PDE4DIP: variants seen among roughly 807,000 people sequenced by gnomAD.
PDE4DIP encodes phosphodiesterase 4D interacting protein, also known as myomegalin.
A neutral mutation model predicts 221.4 loss-of-function variants in PDE4DIP; 59 were observed. The observed-to-expected ratio is 0.27, with a 90% confidence interval of 0.22 to 0.33. PDE4DIP has a LOEUF of 0.33. Among genes scored for constraint, PDE4DIP ranks in the 10% least tolerant of loss-of-function variants. PDE4DIP has a pLI of 1.00. For synonymous variants in PDE4DIP, 404 were observed against 815.9 expected (o/e 0.50, Z 8.60); for missense variants, 1,036 against 2,154.2 (o/e 0.48, Z 10.28).
rs782735376 is a variant in PDE4DIP at position 148,978,065 on chromosome 1, C to T, written c.2436+12C>T. Reference sequence around the variant, plus strand: ...AAGATCTCATAAAGGTCTTTCAAAACTTTTTAAAGACCACTGGAAATGTTC... The same window carrying T: ...AAGATCTCATAAAGGTCTTTCAAAATTTTTTAAAGACCACTGGAAATGTTC... On this transcript the variant is annotated intron_variant, in intron 18 of 43. Coordinates refer to ENST00000369354, the Ensembl canonical transcript of PDE4DIP. 21 of 1,606,662 alleles carry T rather than the reference C, an allele frequency of 1.3e-5. No individual in the cohort carries two copies. The highest frequency in any genetic ancestry group is 1.7e-5 in the Non-Finnish European group (20 of 1,174,422).
chr1:148,953,416 G>T (rs146246632), intron 5 of PDE4DIP: 28 of 1,614,130 alleles, frequency 1.7e-5, no homozygotes, highest in Non-Finnish European at 2.1e-5. Flanking sequence ...AAGAACCAGC[G>T]TTGTCTGAGG....
intron 5 of PDE4DIP, among the ~76,000 whole-genome samples, chr1:148,950,508 G>A (rs1355332693): frequency 2.0e-5 from 3 of 152,214 alleles, no homozygotes; most frequent in Admixed American, 6.5e-5. Context: ...ACCAGGTAAT[G>A]TATAAAGAAA....
At chr1:149,012,767 T>C (rs2068973189) in exon 32 of PDE4DIP, 2 of 1,604,838 alleles carry the variant, frequency 1.2e-6, no homozygotes, top group Non-Finnish European at 1.7e-6. Flanking sequence ...GCAGAAGCAG[T>C]TGGGAGAAAG....
At chr1:148,927,169 G>A (rs2046901514) in intron 1 of PDE4DIP, among the ~76,000 whole-genome samples, 1 of 151,552 alleles carries the variant, frequency 6.6e-6, no homozygotes, top group African/African-American at 2.4e-5. Flanking sequence ...ATCTGGTAAT[G>A]CTATTTAGTG....
intron 1 of PDE4DIP, among the ~76,000 whole-genome samples, chr1:148,901,668 C>G: frequency 7.9e-6 from 1 of 127,226 alleles, no homozygotes; most frequent in Non-Finnish European, 1.7e-5. Flanking sequence ...TTTAAGGTGC[C>G]TGGATGAGCG....
chr1:148,953,659 C>G (rs140994384), intron 5 of PDE4DIP: 1 of 1,442,730 alleles, frequency 6.9e-7, no homozygotes, highest in East Asian at 2.3e-5. Context: ...TAGCTCTTAG[C>G]ATGATTAAAG....
exon 2 of PDE4DIP, chr1:148,863,298 C>T (rs1553403293): frequency 2.2e-6 from 1 of 456,016 alleles, no homozygotes; most frequent in Non-Finnish European, 3.5e-6. Flanking sequence ...GAACGAGTCA[C>T]ACAGCAGGTA....
At position 148,976,881 on chromosome 1, in the gene PDE4DIP, C is replaced by T. The variant is rs373333855; in HGVS notation, c.2320-1056C>T. Among the ~76,000 whole-genome samples the T allele has an allele frequency of 2.3e-4, 35 of 151,752 alleles. 1 individual carries two copies. The highest frequency in any genetic ancestry group is 6.8e-3 in the Middle Eastern group (2 of 294). ...AAGAGAAAGTCTGGTGTTCCTGGAA[C>T]AGAAAAAGTCTAATGTGCCTACAGA... On this transcript the variant is annotated intron_variant, in intron 17 of 43. Coordinates refer to ENST00000369354, the Ensembl canonical transcript of PDE4DIP.
rs371941617 is a variant in PDE4DIP, at chr1:149,028,555, C to T, written c.6670-5C>T. The T allele has an allele frequency of 5.0e-6, 8 of 1,609,788 alleles. No homozygotes were observed. In the African/African-American group the frequency reaches 1.1e-4, roughly 22 times the overall value. Reference sequence around the variant, plus strand: ...CTCCGCTCCTGTGGTGTTACCTTTCCCCAGGTGCTAGGCAGCAAAGGTATT... The same window carrying T: ...CTCCGCTCCTGTGGTGTTACCTTTCTCCAGGTGCTAGGCAGCAAAGGTATT... On this transcript the variant is annotated splice_region_variant and splice_polypyrimidine_tract_variant and intron_variant, in intron 40 of 43. Transcript: ENST00000369354.
chr1:149,010,681 TG>T, intron 31 of PDE4DIP, 86 bp downstream of exon 34: 1 of 1,300,968 alleles, frequency 7.7e-7, no homozygotes, highest in Admixed American at 1.9e-5. Flanking sequence ...AGGTTTGGAC[TG>T]TTAGGGGCCT....
chr1:148,870,839 A>AAAAAT (rs2148704864), intron 3 of PDE4DIP, among the ~76,000 whole-genome samples: 2 of 149,158 alleles, frequency 1.3e-5, no homozygotes, highest in African/African-American at 4.9e-5. Flanking sequence ...GAGAGATAGG[A>AAAAAT]ACACATTCCT....
At chr1:149,025,624 G>A (rs587771191) in intron 38 of PDE4DIP, 20 of 147,112 alleles carry the variant, frequency 1.4e-4, no homozygotes, top group Middle Eastern at 3.4e-3. Context: ...TTGATACACC[G>A]TTTAGTACAC....
At chr1:148,915,313 A>C (rs2043747162) in intron 1 of PDE4DIP, among the ~76,000 whole-genome samples, 1 of 152,272 alleles carries the variant, frequency 6.6e-6, no homozygotes, top group Non-Finnish European at 1.5e-5. Context: ...ACACCTGGCT[A>C]ATTTTTTTGT....
chr1:148,869,818 T>C, intron 3 of PDE4DIP, among the ~76,000 whole-genome samples: 2 of 99,832 alleles, frequency 2.0e-5, no homozygotes, highest in Non-Finnish European at 1.9e-5. Flanking sequence ...AAGAAATAGC[T>C]CTTTGGTGCC....
intron 12 of PDE4DIP, 150 bp from the exon 16 acceptor site, chr1:148,967,576 A>G: frequency 1.7e-6 from 1 of 599,236 alleles, no homozygotes; most frequent in South Asian, 2.4e-5. Flanking sequence ...AAAAAAATAG[A>G]TTAGTATGGC....
At chr1:149,023,751 CACATATATATGTACATGTATATGTGTGT>C (rs879995078) in intron 37 of PDE4DIP, among the ~76,000 whole-genome samples, 1 of 103,298 alleles carries the variant, frequency 9.7e-6, no homozygotes, top group Non-Finnish European at 2.0e-5. Context: ...TATATGTGTG[CACATATATATGTACATGTATATGTGTGT>C]ACATATATAT....
At position 149,028,577 on chromosome 1, in the gene PDE4DIP, T is replaced by C. The variant is rs1698582; in HGVS notation, c.6687T>C (p.Gly2229=). 244 of 1,610,462 alleles carry C rather than the reference T, an allele frequency of 1.5e-4. 1 individual carries two copies. The highest frequency in any genetic ancestry group is 3.9e-4 in the African/African-American group (29 of 74,860). Residue 2229 remains glycine, a synonymous_variant, in exon 41 of 44, where the codon GGT becomes GGC. Transcript: ENST00000369354. ...TTCCCCAGGTGCTAGGCAGCAAAGG[T>C]ATTCATGAGCTTCGGAGCAGCACCA...
chr1:149,007,379 G>A, exon 28 of PDE4DIP: 1 of 1,036,366 alleles, frequency 9.6e-7, no homozygotes, highest in East Asian at 2.5e-5. Flanking sequence ...GAGCTTCCGG[G>A]AGCAACTCGC....
intron 30 of PDE4DIP, 138 bp downstream of exon 33, chr1:149,009,929 G>A (rs1236816007): frequency 1.3e-5 from 9 of 716,050 alleles, no homozygotes; most frequent in South Asian, 1.0e-4. Flanking sequence ...AGGCACCAGT[G>A]GATCAGGATC....
Sources: gnomAD v4.1 joint callset for allele counts (sites outside exome capture counted in the v4.1 genomes callset) on GRCh38, gnomAD v4.1.1 for gene constraint, MANE v1.5 for transcripts, NCBI Gene and HGNC (gene_info 2026-07-23, HGNC 2026-07-21) for gene names.